NDE1: variants seen among roughly 807,000 people sequenced by gnomAD.
The protein encoded by NDE1 is nudE neurodevelopment protein 1.
In NDE1, 28 loss-of-function variants were observed where a neutral mutation model predicts 43.4. The observed-to-expected ratio is 0.65, with a 90% CI of 0.48 to 0.89. The LOEUF is 0.89. Among genes scored for constraint, NDE1 ranks in the 40% least tolerant of loss-of-function variants. The pLI is 0.00. For synonymous variants in NDE1, 184 were observed against 172.0 expected, an observed-to-expected ratio of 1.07 and a Z score of -0.55; for missense variants, 441 against 434.1, an observed-to-expected ratio of 1.02 and a Z score of -0.14.
At chr16:15,679,803 C>T (rs1041159962) in intron 4 of NDE1, among the ~76,000 whole-genome samples, 1 of 151,854 alleles carries the variant, frequency 6.6e-6, no homozygotes, top group African/African-American at 2.4e-5. Context: ...TGTTTTAAGA[C>T]AGTCTTGCTC....
chr16:15,717,018 C>T, intron 8 of NDE1: 1 of 1,030,448 alleles, frequency 9.7e-7, no homozygotes, highest in Non-Finnish European at 1.5e-6. Context: ...GCACTGTAGG[C>T]ATCACAGAGC....
At chr16:15,724,056 G>C in intron 8 of NDE1, 135 bp from the exon 9 acceptor site, 1 of 1,577,496 alleles carries the variant, frequency 6.3e-7, no homozygotes, top group South Asian at 1.1e-5. Flanking sequence ...CCACAGAGTG[G>C]AGAGGGGATG....
intron 4 of NDE1, among the ~76,000 whole-genome samples, chr16:15,686,171 C>T (rs2038427225): frequency 6.6e-6 from 1 of 151,764 alleles, no homozygotes; most frequent in South Asian, 2.1e-4. Context: ...AGGCTGGTCT[C>T]GAACTCCTGA....
Position 15,717,327 on chromosome 16 carries a change from G to A in NDE1, c.948-6864G>A, listed in dbSNP as rs767453646. The A allele has an allele frequency of 1.2e-5, 20 of 1,609,348 alleles. No individual in the cohort carries two copies. Among genetic ancestry groups the A allele is most frequent in the Non-Finnish European group, 1.7e-5 (20 of 1,180,020 alleles). On this transcript the variant is annotated intron_variant, in intron 8 of 8. Coordinates refer to ENST00000396354, the MANE Select transcript of NDE1 (RefSeq NM_017668.3). ...TGGGCCGTGCTGCGCTCTGTGGCCA[G>A]CTCGTTGCTGAGCTGCTCGGCCTGG...
intron 3 of NDE1, among the ~76,000 whole-genome samples, chr16:15,670,767 G>A (rs2037554522): frequency 6.6e-6 from 1 of 152,088 alleles, no homozygotes; most frequent in East Asian, 1.9e-4. Flanking sequence ...TGGGGAGATG[G>A]GGCTGAAGGA....
At chr16:15,694,144 C>G in intron 6 of NDE1, 21 bp from the exon 7 acceptor site, 1 of 1,611,648 alleles carries the variant, frequency 6.2e-7, no homozygotes, top group Non-Finnish European at 8.5e-7. Context: ...GAGTTACATG[C>G]TCTTCCCTTT....
chr16:15,696,410 C>T (rs1436198842), intron 7 of NDE1, among the ~76,000 whole-genome samples: 1 of 151,584 alleles, frequency 6.6e-6, no homozygotes, highest in East Asian at 1.9e-4. Context: ...GAGATGGGAT[C>T]TTACTTTGTG....
At chr16:15,690,688 G>T (rs1394975696) in intron 5 of NDE1, among the ~76,000 whole-genome samples, 2 of 152,002 alleles carry the variant, frequency 1.3e-5, no homozygotes, top group Non-Finnish European at 2.9e-5. Context: ...GGTCCTGTGG[G>T]TTTCCCTTTA....
chr16:15,646,687 C>T (rs2036336576), upstream of NDE1, among the ~76,000 whole-genome samples: 1 of 151,618 alleles, frequency 6.6e-6, no homozygotes, highest in Non-Finnish European at 1.5e-5. Context: ...GCCGAGATCG[C>T]ACCACTGCAC....
chr16:15,713,653 A>T (rs2039948421), intron 8 of NDE1: 1 of 152,176 alleles, frequency 6.6e-6, no homozygotes, highest in Non-Finnish European at 1.5e-5. Flanking sequence ...GCGCCATCCC[A>T]CCTGGCTGAT....
At chr16:15,701,265 C>G (rs892219920) in intron 8 of NDE1, 2 of 151,214 alleles carry the variant, frequency 1.3e-5, no homozygotes, top group African/African-American at 4.9e-5. Flanking sequence ...TGTCATAAAC[C>G]TCTGAGACTG....
At chr16:15,666,216 G>GGT (rs2037298926) in intron 2 of NDE1, among the ~76,000 whole-genome samples, 1 of 151,964 alleles carries the variant, frequency 6.6e-6, no homozygotes, top group African/African-American at 2.4e-5. Flanking sequence ...ATATCTGGGA[G>GGT]GTGTGTGTGT....
chr16:15,669,639 T>A, intron 3 of NDE1, among the ~76,000 whole-genome samples: 1 of 149,910 alleles, frequency 6.7e-6, no homozygotes, highest in Non-Finnish European at 1.5e-5. Context: ...GGATTACAGG[T>A]GTGAGCCACC....
upstream of NDE1, among the ~76,000 whole-genome samples, chr16:15,648,075 G>C (rs1387624997): frequency 1.3e-5 from 2 of 151,068 alleles, no homozygotes; most frequent in East Asian, 3.9e-4. Flanking sequence ...TATATTTTTA[G>C]TTTTTATGGG....
rs779166026 is a variant in NDE1, at chr16:15,718,449, G to T, written c.948-5742G>T. On this transcript the variant is annotated intron_variant, in intron 8 of 8. Coordinates refer to ENST00000396354, the MANE Select transcript of NDE1 (RefSeq NM_017668.3). ...TCCTGGAGTGCGTTCCTGGGGGAAG[G>T]GCGGCCATGGTGGGGGCCTCTACCC... The T allele has an allele frequency of 1.3e-6, 2 of 1,550,512 alleles. No homozygotes were observed. The highest frequency in any genetic ancestry group is 1.7e-6 in the Non-Finnish European group (2 of 1,151,230).
At chr16:15,648,596 C>T (rs1175037346), upstream of NDE1, among the ~76,000 whole-genome samples, 1 of 151,438 alleles carries the variant, frequency 6.6e-6, no homozygotes, top group Non-Finnish European at 1.5e-5. Context: ...TGCTTGAGGT[C>T]AGGAGTTCGA....
intron 1 of NDE1, among the ~76,000 whole-genome samples, chr16:15,661,090 T>A (rs1201657983): frequency 6.6e-6 from 1 of 152,116 alleles, no homozygotes; most frequent in Non-Finnish European, 1.5e-5. Flanking sequence ...CATGTCAAGC[T>A]GTGAATGTCT....
Position 15,657,827 on chromosome 16 carries a change from C to G in NDE1, c.-43-6909C>G, listed in dbSNP as rs551374327. ...ATGTTGCCCAGGCTGGTCTCAAACTCCTGACCTCAAGTGATCTGTCTGCCT... is the reference window on the plus strand; with the variant it reads ...ATGTTGCCCAGGCTGGTCTCAAACTGCTGACCTCAAGTGATCTGTCTGCCT... On this transcript the variant is annotated intron_variant, in intron 1 of 8. Coordinates refer to ENST00000396354, the MANE Select transcript of NDE1 (RefSeq NM_017668.3). Among the ~76,000 whole-genome samples, 12 of 152,190 alleles carry G rather than the reference C, an allele frequency of 7.9e-5. No homozygotes were observed. In the South Asian group the frequency reaches 2.5e-3, roughly 32 times the overall value.
chr16:15,707,657 T>G (rs2151169452), intron 8 of NDE1, among the ~76,000 whole-genome samples: 1 of 152,282 alleles, frequency 6.6e-6, no homozygotes, highest in Admixed American at 6.5e-5. Flanking sequence ...GGCCTCTCCA[T>G]GAGGTGAAGT....
Sources: gnomAD v4.1 joint callset for allele counts (sites outside exome capture counted in the v4.1 genomes callset) on GRCh38, gnomAD v4.1.1 for gene constraint, MANE v1.5 for transcripts, NCBI Gene and HGNC (gene_info 2026-07-23, HGNC 2026-07-21) for gene names.